The following MICAL3 variants were observed in gnomAD, a reference collection of about 807,000 sequenced individuals.
The protein encoded by MICAL3 is microtubule associated monooxygenase, calponin and LIM domain containing 3, also known as [F-actin]-monooxygenase MICAL3.
Under a neutral mutation model 207.4 loss-of-function variants are expected in MICAL3, and 62 were observed. The observed-to-expected ratio is 0.30, with a 90% CI of 0.24 to 0.37. The LOEUF (loss-of-function observed/expected upper bound fraction) is 0.37. Ranked by LOEUF, MICAL3 falls within the 10% of genes least tolerant of loss-of-function variation. The probability of loss-of-function intolerance (pLI) is 1.00; values close to 1 mark genes in which losing one functional copy is unlikely to be tolerated. For synonymous variants in MICAL3, 1,077 were observed against 1,069.3 expected, an observed-to-expected ratio of 1.01 and a Z score of -0.14; for missense variants, 2,368 against 2,635.6, an observed-to-expected ratio of 0.90 and a Z score of 2.22.
rs1317075198 is a variant in MICAL3 at position 17,899,454 on chromosome 22, T to C, written c.942A>G (p.Ile314Met). 1 of 1,597,716 alleles carries C rather than the reference T, an allele frequency of 6.3e-7. No homozygotes were observed. Among genetic ancestry groups the C allele is most frequent in the Non-Finnish European group, 8.6e-7 (1 of 1,167,590 alleles). Residue 314 changes from isoleucine to methionine, a missense_variant, in exon 7 of 32, where the codon ATA (isoleucine) becomes ATG (methionine). Coordinates refer to ENST00000441493, the MANE Select transcript of MICAL3 (RefSeq NM_015241.3). ...KKQSLLDKGV[I>M]LHDYADTELL... ...AAGGAAATCCGTGGCTCACATGTAG[T>C]ATCACTCCTTTGTCCAGCAAACTCT...
chr22:17,811,377 C>T (rs1254419818), intron 27 of MICAL3: 1 of 153,010 alleles, frequency 6.5e-6, no homozygotes, highest in African/African-American at 2.4e-5. Context: ...AGAAATGACA[C>T]CCAAGTAGAG....
chr22:17,924,865 C>T (rs151022948), intron 1 of MICAL3, among the ~76,000 whole-genome samples: 1 of 152,342 alleles, frequency 6.6e-6, no homozygotes, highest in East Asian at 1.9e-4. Flanking sequence ...GTGCTCTGAC[C>T]TTCCTTCCTC....
At chr22:18,021,207 A>G (rs1308429966) in intron 1 of MICAL3, among the ~76,000 whole-genome samples, 6 of 152,206 alleles carry the variant, frequency 3.9e-5, no homozygotes, top group African/African-American at 9.7e-5. Flanking sequence ...TGGTCGTGGC[A>G]GGGAGGGGTA....
chr22:17,827,683 C>T lies in MICAL3; in HGVS notation c.3154G>A (p.Glu1052Lys). ...WTHIREREEE[E>K]RMAPASESSA... ...GACTCAGAGGCCGGCGCCATCCTCTCTTCCTCCTCTCTCTCACGGATATGA... is the reference window on the plus strand; with the variant it reads ...GACTCAGAGGCCGGCGCCATCCTCTTTTCCTCCTCTCTCTCACGGATATGA... The change falls in exon 22 of 32, where the codon GAG becomes AAG. Residue 1052 changes from glutamate to lysine, a missense_variant. This residue lies in a region of MICAL3 where 1,770 missense variants were observed against 1,863.2 expected (regional missense o/e 0.95). Transcript: ENST00000441493. 2 of 1,583,022 alleles carry T rather than the reference C, an allele frequency of 1.3e-6. No individual in the cohort carries two copies. The highest frequency in any genetic ancestry group is 1.7e-6 in the Non-Finnish European group (2 of 1,164,702).
chr22:17,877,184 A>AGGGAG, intron 16 of MICAL3, among the ~76,000 whole-genome samples: 1 of 6,004 alleles, frequency 1.7e-4, no homozygotes, highest in Non-Finnish European at 3.1e-4. Context: ...AGGTTAGGGA[A>AGGGAG]GTTATGGAGG....
intron 24 of MICAL3, among the ~76,000 whole-genome samples, chr22:17,821,756 G>A (rs1467522266): frequency 6.6e-6 from 1 of 152,230 alleles, no homozygotes; most frequent in African/African-American, 2.4e-5. Flanking sequence ...CTTCCTCCAT[G>A]TGCAGACTCT....
rs370754881 is a variant in MICAL3 at position 17,953,259 on chromosome 22, T to C, written c.-74-46373A>G. On this transcript the variant is annotated intron_variant, in intron 1 of 31. Coordinates refer to ENST00000441493, the MANE Select transcript of MICAL3 (RefSeq NM_015241.3). ...GAACCAGACTCCATAGGAAAAATAA[T>C]AAATTACCCCACTAAAATAAATTGA... Among the ~76,000 whole-genome samples, 7 of 152,202 alleles carry C rather than the reference T, an allele frequency of 4.6e-5. No homozygotes were observed. The East Asian group carries it at 7.7e-4, about 17-fold the overall frequency.
At chr22:17,973,681 C>A (rs948120380) in intron 1 of MICAL3, among the ~76,000 whole-genome samples, 1 of 152,184 alleles carries the variant, frequency 6.6e-6, no homozygotes, top group Non-Finnish European at 1.5e-5. Flanking sequence ...GAAATCCCTG[C>A]ACTTTGGAAG....
intron 1 of MICAL3, among the ~76,000 whole-genome samples, chr22:17,996,481 G>A (rs1687492322): frequency 6.6e-6 from 1 of 151,614 alleles, no homozygotes; most frequent in Non-Finnish European, 1.5e-5. Context: ...TGCAAGGCTT[G>A]GGGTGACAGT....
intron 1 of MICAL3, chr22:17,983,329 C>G (rs533648351): frequency 1.1e-4 from 17 of 152,534 alleles, no homozygotes; most frequent in East Asian, 7.7e-4. Context: ...ATCCTTCCCA[C>G]TCTTTTAACA....
chr22:17,881,070 C>T (rs1366415234), intron 16 of MICAL3: 6 of 779,948 alleles, frequency 7.7e-6, no homozygotes, highest in South Asian at 3.2e-5. Context: ...CCACCACAAA[C>T]GGTTTCTACG....
intron 1 of MICAL3, among the ~76,000 whole-genome samples, chr22:17,921,358 G>A (rs1284624699): frequency 1.3e-5 from 2 of 152,148 alleles, no homozygotes; most frequent in African/African-American, 4.8e-5. Context: ...TCGGAGAAAG[G>A]CATAGAACTG....
At chr22:17,977,028 G>T (rs894716350) in intron 1 of MICAL3, among the ~76,000 whole-genome samples, 1 of 151,878 alleles carries the variant, frequency 6.6e-6, no homozygotes, top group African/African-American at 2.4e-5. Context: ...GGATGATCTC[G>T]ATCTGACCTT....
At chr22:17,906,028 G>C (rs1310848575) in intron 2 of MICAL3, among the ~76,000 whole-genome samples, 1 of 152,162 alleles carries the variant, frequency 6.6e-6, no homozygotes, top group Non-Finnish European at 1.5e-5. Flanking sequence ...TTGGAAAGAG[G>C]ACATGCCAAG....
chr22:17,899,626 C>G, intron 6 of MICAL3, 78 bp from the exon 7 acceptor site: 1 of 894,204 alleles, frequency 1.1e-6, no homozygotes. Flanking sequence ...AGGTTACACA[C>G]AGGCCTACAG....
chr22:18,002,974 G>A (rs558851495), intron 1 of MICAL3, among the ~76,000 whole-genome samples: 1 of 152,214 alleles, frequency 6.6e-6, no homozygotes, highest in East Asian at 1.9e-4. Context: ...GGATAACACG[G>A]TGAAACCCCA....
intron 1 of MICAL3, among the ~76,000 whole-genome samples, chr22:17,950,313 C>G (rs1482885325): frequency 1.3e-5 from 2 of 150,982 alleles, no homozygotes; most frequent in African/African-American, 4.9e-5. Flanking sequence ...AGGCGCCTGC[C>G]ACCACATCTG....
At chr22:17,955,738 C>A (rs1934581120) in intron 1 of MICAL3, among the ~76,000 whole-genome samples, 1 of 152,162 alleles carries the variant, frequency 6.6e-6, no homozygotes, top group South Asian at 2.1e-4. Context: ...TGCTATGCAC[C>A]TCAATATGTC....
chr22:17,861,043 G>C (rs1041248558), intron 19 of MICAL3: 1 of 985,294 alleles, frequency 1.0e-6, no homozygotes, highest in Non-Finnish European at 1.2e-6. Flanking sequence ...GTCAGCTATG[G>C]CTCTTGGGGT....
Sources: gnomAD v4.1 joint callset for allele counts (sites outside exome capture counted in the v4.1 genomes callset) on GRCh38, gnomAD v4.1.1 for gene constraint, gnomAD v4.1.1 regional missense constraint, MANE v1.5 for transcripts, NCBI Gene and HGNC (gene_info 2026-07-23, HGNC 2026-07-21) for gene names.